The following ADGRL4 variants were observed in gnomAD, a reference collection of about 807,000 sequenced individuals.
ADGRL4 encodes the protein EGF, latrophilin and seven transmembrane domain containing 1.
ADGRL4 carries 90 observed loss-of-function variants against 74.8 expected under a neutral mutation model. The observed-to-expected ratio is 1.20, with a 90% CI of 1.02 to 1.43. ADGRL4 has a LOEUF of 1.43. Among genes scored for constraint, ADGRL4 ranks in the 40% most tolerant of loss-of-function variants. The pLI, the probability that ADGRL4 is intolerant of heterozygous loss-of-function variation, is 0.00. For missense variants in ADGRL4, 881 were observed against 814.3 expected (o/e 1.08, Z -1.00); for synonymous variants, 311 against 279.2 (o/e 1.11, Z -1.14).
At chr1:78,902,723 A>C (rs1421342082) in intron 12 of ADGRL4, among the ~76,000 whole-genome samples, 1 of 152,206 alleles carries the variant, frequency 6.6e-6, no homozygotes, top group Non-Finnish European at 1.5e-5. Context: ...ACATATTAAT[A>C]AGTATTACTA....
rs543970583 is a variant in ADGRL4 at position 78,992,913 on chromosome 1, G to C, written c.172+12157C>G. On this transcript the variant is annotated intron_variant, in intron 2 of 14. Coordinates refer to ENST00000370742, the MANE Select transcript of ADGRL4 (RefSeq NM_022159.4). ...ATGTTTGATGGTTGATACAACAGAG[G>C]ATATTAAATTATATCTTGGGCAGAA... 2.1e-3 allele frequency among the ~76,000 whole-genome samples: 325 copies of C among 152,074 alleles called. 2 individuals are homozygous for C. Among genetic ancestry groups the C allele is most frequent in the Non-Finnish European group, 2.0e-3 (136 of 67,934 alleles).
At position 78,893,092 on chromosome 1, in the gene ADGRL4, A is replaced by C; in HGVS notation, c.1841+6T>G. On this transcript the variant is annotated splice_donor_region_variant and intron_variant, in intron 13 of 14. Coordinates refer to ENST00000370742, the MANE Select transcript of ADGRL4 (RefSeq NM_022159.4). ...AAAAAAAAAGTGAACTTAAAGACGCATTTACCTTATGTTCTCAAAGCAACT... is the reference window on the plus strand; with the variant it reads ...AAAAAAAAAGTGAACTTAAAGACGCCTTTACCTTATGTTCTCAAAGCAACT... 1 of 1,519,624 alleles carries C rather than the reference A, an allele frequency of 6.6e-7. No individual in the cohort carries two copies. 94.1% of individuals were successfully genotyped at this position (1,519,624 alleles called of 1,614,324 possible). A position where few individuals can be genotyped will look rare whatever the true frequency, so the allele number is the denominator to read the frequency against.
intron 2 of ADGRL4, among the ~76,000 whole-genome samples, chr1:78,998,120 C>T (rs1650756441): frequency 1.3e-5 from 2 of 152,162 alleles, no homozygotes; most frequent in African/African-American, 2.4e-5. Context: ...CCCACCACCA[C>T]AGGGGAAAGC....
intron 7 of ADGRL4, among the ~76,000 whole-genome samples, chr1:78,934,881 G>A (rs1649320788): frequency 6.6e-6 from 1 of 152,156 alleles, no homozygotes; most frequent in African/African-American, 2.4e-5. Flanking sequence ...TCAGAAGGGT[G>A]ATTATCAAAA....
intron 12 of ADGRL4, among the ~76,000 whole-genome samples, chr1:78,893,962 G>C (rs539410992): frequency 3.4e-4 from 52 of 151,858 alleles, no homozygotes; most frequent in African/African-American, 1.2e-3. Flanking sequence ...GCTAAATGAA[G>C]GGTATATGTT....
chr1:78,919,591 T>C (rs1570227624), intron 10 of ADGRL4, among the ~76,000 whole-genome samples: 1 of 151,902 alleles, frequency 6.6e-6, no homozygotes, highest in Admixed American at 6.6e-5. Flanking sequence ...CTGATAGCTC[T>C]CCAAGCCTCT....
intron 2 of ADGRL4, among the ~76,000 whole-genome samples, chr1:78,965,525 G>C (rs565866464): frequency 7.4e-4 from 113 of 151,996 alleles, no homozygotes; most frequent in Non-Finnish European, 1.4e-3. Context: ...GTAGCAAGCA[G>C]TAAAATAATT....
intron 11 of ADGRL4, 40 bp downstream of exon 11, chr1:78,917,790 A>G: frequency 6.3e-7 from 1 of 1,598,396 alleles, no homozygotes; most frequent in Non-Finnish European, 8.6e-7. Flanking sequence ...AGCACATTCA[A>G]AATCGTATTT....
At chr1:78,947,113 T>C (rs1174994458) in intron 2 of ADGRL4, among the ~76,000 whole-genome samples, 1 of 152,168 alleles carries the variant, frequency 6.6e-6, no homozygotes, top group Non-Finnish European at 1.5e-5. Flanking sequence ...TTGGAAAATA[T>C]GTGCTTCTCA....
At chr1:78,934,098 G>A (rs1649301508) in intron 7 of ADGRL4, among the ~76,000 whole-genome samples, 1 of 152,016 alleles carries the variant, frequency 6.6e-6, no homozygotes, top group South Asian at 2.1e-4. Flanking sequence ...TGGAATCAAA[G>A]AAGACCCCAT....
chr1:78,929,221 T>G (rs912240069), intron 7 of ADGRL4, among the ~76,000 whole-genome samples: 2 of 151,232 alleles, frequency 1.3e-5, no homozygotes, highest in African/African-American at 4.9e-5. Context: ...AAATATACAT[T>G]TAAAAATCCA....
Position 78,936,305 on chromosome 1 carries a change from A to C in ADGRL4, c.867T>G (p.Tyr289Ter). 1 of 1,593,324 alleles carries C rather than the reference A, an allele frequency of 6.3e-7. No homozygotes were observed. Among genetic ancestry groups the C allele is most frequent in the Non-Finnish European group, 8.5e-7 (1 of 1,172,570 alleles). Residue 289 changes from tyrosine to a stop codon, truncating the protein, a stop_gained, in exon 7 of 15, where the codon TAT (tyrosine) becomes TAG (stop). Coordinates refer to ENST00000370742, the MANE Select transcript of ADGRL4 (RefSeq NM_022159.4). LOFTEE classifies it high-confidence loss of function. ...TTGTTAAAGTCCTACCATTTGAATC[A>C]TATGCAGCTTTTCTCTTTGGAAATA... ...INIFPKRKAAYDSNGNVAVAF... is the reference protein window; with the variant it reads ...INIFPKRKAA
chr1:78,895,188 G>A (rs192759766), intron 12 of ADGRL4, among the ~76,000 whole-genome samples: 80 of 151,910 alleles, frequency 5.3e-4, no homozygotes, highest in African/African-American at 1.9e-3. Flanking sequence ...TTATCAAAAG[G>A]CGTTATAGTT....
intron 2 of ADGRL4, among the ~76,000 whole-genome samples, chr1:78,968,074 A>T (rs1650091693): frequency 6.6e-6 from 1 of 152,174 alleles, no homozygotes; most frequent in Admixed American, 6.6e-5. Context: ...TCTTCTTTAG[A>T]TTATATTTTT....
intron 2 of ADGRL4, among the ~76,000 whole-genome samples, chr1:78,972,761 G>A (rs1650194816): frequency 6.6e-6 from 1 of 152,136 alleles, no homozygotes; most frequent in African/African-American, 2.4e-5. Context: ...TTCTCAAATT[G>A]TAAGACCTTT....
chr1:78,947,645 T>C (rs970962529), intron 2 of ADGRL4, among the ~76,000 whole-genome samples: 1 of 152,004 alleles, frequency 6.6e-6, no homozygotes, highest in Non-Finnish European at 1.5e-5. Context: ...CTGGAGAATA[T>C]AGGATAGGTA....
chr1:78,936,223 A>G lies in ADGRL4; in HGVS notation c.877+72T>C, dbSNP rs761332366. 30 of 1,482,052 alleles carry G rather than the reference A, an allele frequency of 2.0e-5. 1 individual carries two copies. The Middle Eastern group carries it at 5.6e-4, about 27-fold the overall frequency. The allele number at this position is 1,482,052 out of a possible 1,614,324, so 91.8% of individuals were successfully genotyped here. ...ACCACATGTTACATGTACATATGAC[A>G]TAATCAAATGCATGATAAATATTTA... On this transcript the variant is annotated intron_variant, in intron 7 of 14. Coordinates refer to ENST00000370742, the MANE Select transcript of ADGRL4 (RefSeq NM_022159.4).
chr1:78,930,539 T>C (rs6424617), intron 7 of ADGRL4, among the ~76,000 whole-genome samples: 145,649 of 147,574 alleles, frequency 0.99, 71,976 homozygotes, highest in Middle Eastern at 1. Context: ...GCAACCTACA[T>C]CTCCCCGGTT....
intron 8 of ADGRL4, among the ~76,000 whole-genome samples, chr1:78,925,774 T>TA (rs1272855132): frequency 6.6e-6 from 1 of 152,088 alleles, no homozygotes; most frequent in Non-Finnish European, 1.5e-5. Flanking sequence ...TTTGTGTTTT[T>TA]ATCAAACAAG....
Sources: allele counts gnomAD v4.1 joint callset (sites outside exome capture counted in the v4.1 genomes callset), GRCh38; gene constraint gnomAD v4.1.1; transcripts MANE v1.5; gene names NCBI Gene and HGNC (gene_info 2026-07-23, HGNC 2026-07-21).